The following STX6 variants were observed in gnomAD, a reference collection of about 807,000 sequenced individuals.
STX6 encodes syntaxin 6.
Under a neutral mutation model 38.0 loss-of-function variants are expected in STX6, and 23 were observed. The observed-to-expected ratio is 0.60, with a 90% CI of 0.43 to 0.86. STX6 has a LOEUF of 0.86. STX6 is among the 40% of genes least tolerant of loss of function. The probability of loss-of-function intolerance (pLI) is 0.00; values close to 1 mark genes in which losing one functional copy is unlikely to be tolerated. For missense variants in STX6, 274 were observed against 312.9 expected (o/e 0.88, Z 0.94); for synonymous variants, 123 against 107.5 (o/e 1.14, Z -0.89).
At chr1:180,991,553 T>C (rs115590374) in intron 4 of STX6, among the ~76,000 whole-genome samples, 1,568 of 152,314 alleles carry the variant, frequency 0.01, 27 homozygotes, top group African/African-American at 0.036. Flanking sequence ...ACGTTTTCCA[T>C]GGTGTACACT....
intron 6 of STX6, among the ~76,000 whole-genome samples, chr1:180,986,777 G>C (rs1024071285): frequency 2.6e-5 from 4 of 152,156 alleles, no homozygotes; most frequent in African/African-American, 9.7e-5. Context: ...AGGGAGTGGA[G>C]GTAGGGGTGT....
At chr1:180,982,299 T>C (rs192096062) in intron 7 of STX6, among the ~76,000 whole-genome samples, 17 of 152,240 alleles carry the variant, frequency 1.1e-4, no homozygotes, top group African/African-American at 3.9e-4. Context: ...GTTTGTCAAA[T>C]TGAAGCAGAA....
chr1:180,995,899 C>T (rs769610202), intron 3 of STX6, among the ~76,000 whole-genome samples: 2 of 150,942 alleles, frequency 1.3e-5, no homozygotes, highest in African/African-American at 5.0e-5. Context: ...GCACAGGCAC[C>T]TTCTGGGGGT....
chr1:180,996,483 A>T (rs1295407928), intron 3 of STX6, among the ~76,000 whole-genome samples: 4 of 152,238 alleles, frequency 2.6e-5, no homozygotes, highest in Non-Finnish European at 5.9e-5. Context: ...AAGAAAGATG[A>T]AAAAGATTGA....
chr1:180,988,109 T>C (rs1655641738), intron 6 of STX6, 130 bp downstream of exon 6: 1 of 626,918 alleles, frequency 1.6e-6, no homozygotes, highest in African/African-American at 1.8e-5. Flanking sequence ...TAAAACAGAA[T>C]AAAAATGCAG....
intron 5 of STX6, chr1:180,989,250 G>A (rs1655678284): frequency 6.6e-6 from 1 of 152,126 alleles, no homozygotes; most frequent in South Asian, 2.1e-4. Flanking sequence ...CTAGTACTTT[G>A]GGAGGCTGAG....
chr1:181,004,074 G>A (rs1656157885), intron 2 of STX6, among the ~76,000 whole-genome samples: 2 of 152,136 alleles, frequency 1.3e-5, no homozygotes, highest in Non-Finnish European at 2.9e-5. Flanking sequence ...TGTGTGCCAG[G>A]TGCCATTCTA....
rs766128995 is a variant in STX6 at position 180,974,647 on chromosome 1, T to C, written c.*1923A>G. 2 of 152,656 alleles carry C rather than the reference T, an allele frequency of 1.3e-5. No individual in the cohort carries two copies. The highest frequency in any genetic ancestry group is 2.9e-5 in the Non-Finnish European group (2 of 68,048). 9.5% of individuals were successfully genotyped at this position (152,656 alleles called of 1,614,324 possible). Reference sequence around the variant, plus strand: ...AATGTGTTGTGTGGATTACAGTACTTAGACAAGGTTCACATTTACTTTAAA... The same window carrying C: ...AATGTGTTGTGTGGATTACAGTACTCAGACAAGGTTCACATTTACTTTAAA... On this transcript the variant is annotated 3_prime_UTR_variant, in exon 8 of 8. Transcript: ENST00000258301.
Position 180,975,397 on chromosome 1 carries a change from A to G in STX6, c.*1173T>C, listed in dbSNP as rs985725006. The G allele has an allele frequency of 1.3e-4, 4 of 30,292 alleles. No homozygotes were observed. Among genetic ancestry groups the G allele is most frequent in the Admixed American group, 4.1e-4 (1 of 2,418 alleles). The allele number at this position is 30,292 out of a possible 1,614,324, so 1.9% of individuals were successfully genotyped here. On this transcript the variant is annotated 3_prime_UTR_variant, in exon 8 of 8. Coordinates refer to ENST00000258301, the MANE Select transcript of STX6 (RefSeq NM_005819.6). ...AGTGTCTCAGCAGTTTCAGCTACTT[A>G]AACTCAATTAAAGCATCTATCATTT...
intron 3 of STX6, among the ~76,000 whole-genome samples, chr1:180,997,395 T>G (rs1018599926): frequency 6.6e-6 from 1 of 152,204 alleles, no homozygotes; most frequent in African/African-American, 2.4e-5. Flanking sequence ...TTAGAAAACT[T>G]TGAAGTATGT....
At chr1:180,999,124 T>C (rs576319274) in intron 3 of STX6, among the ~76,000 whole-genome samples, 2 of 152,224 alleles carry the variant, frequency 1.3e-5, no homozygotes, top group African/African-American at 4.8e-5. Flanking sequence ...AATTCTTACA[T>C]TGGAGCAGGT....
intron 1 of STX6, among the ~76,000 whole-genome samples, chr1:181,021,147 G>A (rs554547632): frequency 6.6e-6 from 1 of 152,204 alleles, no homozygotes; most frequent in African/African-American, 2.4e-5. Context: ...AAGAATTTAG[G>A]CTTTTGACAA....
chr1:181,005,256 T>C (rs377186479), intron 2 of STX6, 38 bp downstream of exon 2: 10 of 1,581,584 alleles, frequency 6.3e-6, no homozygotes, highest in East Asian at 2.3e-5. Flanking sequence ...CATTTGTCTA[T>C]TTATCCCGAA....
intron 2 of STX6, among the ~76,000 whole-genome samples, chr1:181,003,930 G>A (rs1409469183): frequency 1.3e-5 from 2 of 152,160 alleles, no homozygotes; most frequent in Non-Finnish European, 2.9e-5. Flanking sequence ...TTCAATGGAC[G>A]GTAGCACTGT....
At chr1:181,022,562 C>G (rs1656770624) in intron 1 of STX6, 77 bp downstream of exon 1, 2 of 1,494,162 alleles carry the variant, frequency 1.3e-6, no homozygotes, top group African/African-American at 2.8e-5. Context: ...CCTCCCCCCA[C>G]TGCGAGAAGA....
At chr1:181,017,370 G>A (rs1410035617) in intron 1 of STX6, among the ~76,000 whole-genome samples, 1 of 152,170 alleles carries the variant, frequency 6.6e-6, no homozygotes, top group Non-Finnish European at 1.5e-5. Context: ...TCCAGCCTGG[G>A]CAACAGAGTG....
intron 1 of STX6, among the ~76,000 whole-genome samples, chr1:181,011,401 A>C (rs1656394559): frequency 1.3e-5 from 2 of 152,254 alleles, no homozygotes; most frequent in Admixed American, 1.3e-4. Context: ...CTGAAAAAGA[A>C]GGCATGAACT....
At chr1:181,008,135 T>A (rs1433749539) in intron 1 of STX6, among the ~76,000 whole-genome samples, 1 of 152,222 alleles carries the variant, frequency 6.6e-6, no homozygotes, top group Non-Finnish European at 1.5e-5. Context: ...TTAGCTGCAA[T>A]GTGGATCCTA....
chr1:181,002,242 T>A (rs779722490), intron 3 of STX6, among the ~76,000 whole-genome samples: 9 of 152,022 alleles, frequency 5.9e-5, no homozygotes, highest in Non-Finnish European at 1.0e-4. Context: ...CTCAACCTGA[T>A]CCTCCCACCT....
Sources: gnomAD v4.1 joint callset for allele counts (sites outside exome capture counted in the v4.1 genomes callset) on GRCh38, gnomAD v4.1.1 for gene constraint, MANE v1.5 for transcripts, NCBI Gene and HGNC (gene_info 2026-07-23, HGNC 2026-07-21) for gene names.